CORO2B: variants seen among roughly 807,000 people sequenced by gnomAD.
The protein encoded by CORO2B is coronin-2B.
CORO2B carries 26 observed loss-of-function variants against 58.8 expected under a neutral mutation model. That is an observed-to-expected ratio of 0.44 (90% confidence interval 0.32 to 0.61). The LOEUF (loss-of-function observed/expected upper bound fraction) is 0.61, where lower values mean the gene tolerates loss of function less well. CORO2B is among the 20% of genes least tolerant of loss of function. CORO2B has a pLI of 0.04. For synonymous variants in CORO2B, 242 were observed against 253.8 expected (o/e 0.95, Z 0.44); for missense variants, 460 against 645.1 (o/e 0.71, Z 3.11).
intron 2 of CORO2B, among the ~76,000 whole-genome samples, chr15:68,672,309 C>T (rs1329991515): frequency 6.6e-6 from 1 of 151,972 alleles, no homozygotes; most frequent in African/African-American, 2.4e-5. Flanking sequence ...AATCATAGCT[C>T]ACTGCAGCCT....
At chr15:68,625,575 C>T (rs190700678) in intron 1 of CORO2B, among the ~76,000 whole-genome samples, 2 of 152,048 alleles carry the variant, frequency 1.3e-5, no homozygotes, top group East Asian at 1.9e-4. Flanking sequence ...TTGTGCACTC[C>T]GTTACAGGTT....
intron 1 of CORO2B, among the ~76,000 whole-genome samples, chr15:68,636,402 T>A (rs1271350519): frequency 6.6e-6 from 1 of 152,214 alleles, no homozygotes; most frequent in Non-Finnish European, 1.5e-5. Flanking sequence ...AGACCGTGTC[T>A]CTGGCTGGGC....
At chr15:68,524,457 G>T in the CORO2B span, among the ~76,000 whole-genome samples, 2 of 152,108 alleles carry the variant, frequency 1.3e-5, no homozygotes, top group Non-Finnish European at 2.9e-5. Context: ...GCTGAGATAA[G>T]ATGGGCTTAT....
At chr15:68,714,758 G>T in intron 7 of CORO2B, 95 bp downstream of exon 7, 2 of 934,924 alleles carry the variant, frequency 2.1e-6, no homozygotes, top group Non-Finnish European at 3.4e-6. Flanking sequence ...AGAGTAGCCA[G>T]CCTAACCTTC....
At position 68,584,367 on chromosome 15, in the gene CORO2B, T is replaced by C. The variant is rs1022223598; in HGVS notation, c.15+5090T>C. On this transcript the variant is annotated intron_variant, in intron 1 of 11. Transcript: ENST00000261861. Reference sequence around the variant, plus strand: ...ACTGCCACCTTGACACCTATGGCAGTTCTTAGAGGAAGCTGGGAAGGGTTT... The same window carrying C: ...ACTGCCACCTTGACACCTATGGCAGCTCTTAGAGGAAGCTGGGAAGGGTTT... Among the ~76,000 whole-genome samples the C allele has an allele frequency of 2.6e-5, 4 of 152,084 alleles. No homozygotes were observed. In the East Asian group the frequency reaches 7.7e-4, roughly 29 times the overall value.
intron 2 of CORO2B, among the ~76,000 whole-genome samples, chr15:68,656,991 G>GTCC: frequency 6.6e-6 from 1 of 152,142 alleles, no homozygotes; most frequent in Non-Finnish European, 1.5e-5. Context: ...CCGATCCCCA[G>GTCC]TTTGCTCATT....
intron 1 of CORO2B, among the ~76,000 whole-genome samples, chr15:68,589,467 T>C (rs1480569972): frequency 6.6e-6 from 1 of 152,206 alleles, no homozygotes; most frequent in Non-Finnish European, 1.5e-5. Context: ...ATCTCTACTG[T>C]TAGAGATCTG....
intron 2 of CORO2B, among the ~76,000 whole-genome samples, chr15:68,692,632 C>CTTT (rs139335081): frequency 0.6 from 82,936 of 138,350 alleles, 26,564 homozygotes; most frequent in East Asian, 0.85. Flanking sequence ...AAAAACTTTC[C>CTTT]TTTTTTTTTT....
chr15:68,555,195 G>T, the CORO2B span, among the ~76,000 whole-genome samples: 1 of 152,194 alleles, frequency 6.6e-6, no homozygotes, highest in Admixed American at 6.5e-5. Flanking sequence ...TAAACCTCCT[G>T]CCCAGGTGAC....
the CORO2B span, among the ~76,000 whole-genome samples, chr15:68,519,563 G>A: frequency 4.0e-5 from 6 of 151,822 alleles, no homozygotes; most frequent in South Asian, 4.2e-4. Flanking sequence ...CTCTTTGTTC[G>A]TTGCTTAGTT....
chr15:68,605,708 T>TG (rs1900094674), intron 1 of CORO2B, among the ~76,000 whole-genome samples: 2 of 135,688 alleles, frequency 1.5e-5, no homozygotes, highest in Admixed American at 7.4e-5. Flanking sequence ...AGAGGGCTCT[T>TG]GGGTTTTTTT....
the CORO2B span, among the ~76,000 whole-genome samples, chr15:68,546,128 ACTCTCCTATTGATGGTC>A: frequency 6.6e-6 from 1 of 151,398 alleles, no homozygotes; most frequent in African/African-American, 2.4e-5. Context: ...ACATAAAACC[ACTCTCCTATTGATGGTC>A]CATTCTATTC....
intron 2 of CORO2B, among the ~76,000 whole-genome samples, chr15:68,660,079 C>T (rs1438894510): frequency 1.3e-5 from 2 of 152,190 alleles, no homozygotes; most frequent in Middle Eastern, 3.4e-3. Context: ...AGAAATATAT[C>T]GTAATTTCTG....
At chr15:68,672,642 A>C (rs1013804913) in intron 2 of CORO2B, among the ~76,000 whole-genome samples, 2 of 152,214 alleles carry the variant, frequency 1.3e-5, no homozygotes, top group Admixed American at 1.3e-4. Flanking sequence ...CTCAAAAGAG[A>C]CTGCAAGTGA....
chr15:68,718,865 G>A, intron 9 of CORO2B, 55 bp downstream of exon 9: 2 of 1,417,822 alleles, frequency 1.4e-6, no homozygotes, highest in Non-Finnish European at 2.0e-6. Context: ...CTCTTAGCCT[G>A]CTCACCACTG....
At chr15:68,612,860 G>A (rs1429858236) in intron 1 of CORO2B, among the ~76,000 whole-genome samples, 1 of 152,152 alleles carries the variant, frequency 6.6e-6, no homozygotes, top group Non-Finnish European at 1.5e-5. Flanking sequence ...GACAGTATCT[G>A]GTTTGTAACT....
intron 1 of CORO2B, among the ~76,000 whole-genome samples, chr15:68,591,936 GTGATCT>G: frequency 6.6e-6 from 1 of 152,340 alleles, no homozygotes. Context: ...CCCTGGCTGT[GTGATCT>G]TGGGTTGGTC....
chr15:68,644,020 G>C (rs909530996), intron 1 of CORO2B, among the ~76,000 whole-genome samples: 1 of 151,168 alleles, frequency 6.6e-6, no homozygotes, highest in African/African-American at 2.4e-5. Flanking sequence ...CTGGGTGACA[G>C]CCCCATCTCA....
chr15:68,561,269 GC>G, the CORO2B span, among the ~76,000 whole-genome samples: 5 of 152,122 alleles, frequency 3.3e-5, no homozygotes, highest in South Asian at 2.1e-4. Flanking sequence ...ACGCTGGGCG[GC>G]CCCCCTCCCA....
Sources: allele counts gnomAD v4.1 joint callset (sites outside exome capture counted in the v4.1 genomes callset), GRCh38; gene constraint gnomAD v4.1.1; transcripts MANE v1.5; gene names NCBI Gene and HGNC (gene_info 2026-07-23, HGNC 2026-07-21).